Variants in ENOX2 observed in about 807,000 individuals in gnomAD.
ENOX2 encodes the protein ecto-NOX disulfide-thiol exchanger 2.
A neutral mutation model predicts 45.0 loss-of-function variants in ENOX2; 36 were observed. The ratio of observed to expected loss-of-function variants is 0.80; its 90% CI spans 0.61 to 1.06. The LOEUF is 1.06. ENOX2 is among the 50% of genes least tolerant of loss of function. The pLI is 0.00. For missense variants in ENOX2, 423 were observed against 462.5 expected, an observed-to-expected ratio of 0.91 and a Z score of 0.78; for synonymous variants, 174 against 152.3, an observed-to-expected ratio of 1.14 and a Z score of -1.05.
chrX:130,643,355 TA>T (rs1293254838), intron 10 of ENOX2, among the ~76,000 whole-genome samples: 1 of 110,902 alleles, frequency 9.0e-6, no homozygotes, highest in Non-Finnish European at 1.9e-5. Context: ...AATAATCAGT[TA>T]AAAAATTATT....
intron 3 of ENOX2, among the ~76,000 whole-genome samples, chrX:130,757,519 G>A (rs777018049): frequency 9.0e-6 from 1 of 111,546 alleles, no homozygotes; most frequent in Non-Finnish European, 1.9e-5. Flanking sequence ...GTATGATGGG[G>A]AAGAGGTCAT....
intron 3 of ENOX2, among the ~76,000 whole-genome samples, chrX:130,732,698 TCACACACACACA>T (rs201498808): frequency 1.0e-4 from 10 of 99,952 alleles, no homozygotes; most frequent in East Asian, 9.4e-4. Context: ...ATAAATCCAT[TCACACACACACA>T]CACACACACA....
intron 3 of ENOX2, among the ~76,000 whole-genome samples, chrX:130,742,881 C>A (rs2039017888): frequency 8.9e-6 from 1 of 112,077 alleles, no homozygotes; most frequent in Non-Finnish European, 1.9e-5. Context: ...GAAAACAAGA[C>A]AGAACTGAGC....
intron 2 of ENOX2, among the ~76,000 whole-genome samples, chrX:130,883,883 G>C (rs1293134149): frequency 4.5e-5 from 5 of 112,124 alleles, no homozygotes; most frequent in Admixed American, 1.9e-4. Context: ...CTATTTTGTA[G>C]ATGAAAGACT....
At position 130,735,603 on chromosome X, in the gene ENOX2, T is replaced by C. The variant is rs557783817; in HGVS notation, c.-38-32349A>G. On this transcript the variant is annotated intron_variant, in intron 3 of 14. Transcript: ENST00000394363. ...TTTTTTCTGACATAATAAAAGTAAC[T>C]GATTTCTAAAAAATTGGAAAAGAAT... Among the ~76,000 whole-genome samples the C allele has an allele frequency of 1.8e-4, 20 of 112,206 alleles. No homozygotes were observed. The South Asian group carries it at 7.5e-3, about 42-fold the overall frequency.
chrX:130,866,645 T>G (rs756472317), intron 2 of ENOX2, among the ~76,000 whole-genome samples: 2 of 111,847 alleles, frequency 1.8e-5, no homozygotes, highest in South Asian at 7.4e-4. Context: ...AAATCCTATG[T>G]ATGCTCAAGT....
At chrX:130,752,048 T>C (rs2039233985) in intron 3 of ENOX2, among the ~76,000 whole-genome samples, 3 of 111,837 alleles carry the variant, frequency 2.7e-5, no homozygotes, top group Admixed American at 1.9e-4. Flanking sequence ...ATAGATTGAA[T>C]CTATTACACT....
At chrX:130,686,036 G>A (rs1052116647) in intron 5 of ENOX2, among the ~76,000 whole-genome samples, 3 of 111,499 alleles carry the variant, frequency 2.7e-5, no homozygotes, top group African/African-American at 3.3e-5. Context: ...GAAGCAGACC[G>A]TATGAGTCCC....
rs1341831160 is a variant in ENOX2 at position 130,650,808 on chromosome X, A to T, written c.1129+5773T>A. 2.7e-5 allele frequency among the ~76,000 whole-genome samples: 3 copies of T among 111,970 alleles called. No individual in the cohort carries two copies. In the East Asian group the frequency reaches 8.4e-4, roughly 31 times the overall value. On this transcript the variant is annotated intron_variant, in intron 10 of 14. Coordinates refer to ENST00000394363, the MANE Select transcript of ENOX2 (RefSeq NM_006375.4). The stretch of plus-strand genomic sequence containing the variant: ...GTGAACTCCTCTTTTTAGCGGAGCC[A>T]CTAACAGCAAAATCCCAGACATGTT...
At position 130,634,832 on chromosome X, in the gene ENOX2, T is replaced by C. The variant is rs996672563; in HGVS notation, c.1419+152A>G. 7 of 418,371 alleles carry C rather than the reference T, an allele frequency of 1.7e-5. No homozygotes were observed. In the Admixed American group the frequency reaches 2.7e-4, roughly 16 times the overall value. The allele number at this position is 418,371 out of a possible 1,213,427, so 34.5% of individuals were successfully genotyped here. On this transcript the variant is annotated intron_variant, in intron 12 of 14. Coordinates refer to ENST00000394363, the MANE Select transcript of ENOX2 (RefSeq NM_006375.4). ...ACACCTAAAAGCAAAGCCCTTAGTA[T>C]AAGAATTACCCCCGAGAGGGGCTTT... is the stretch of plus-strand genomic sequence containing the variant.
chrX:130,726,570 G>T (rs994751730), intron 3 of ENOX2, among the ~76,000 whole-genome samples: 3 of 112,540 alleles, frequency 2.7e-5, no homozygotes, highest in Non-Finnish European at 5.6e-5. Context: ...TGAAGTACCT[G>T]AAGTTTTTCC....
chrX:130,690,649 C>T lies in ENOX2; in HGVS notation c.98-1631G>A, dbSNP rs775838495. The stretch of plus-strand genomic sequence containing the variant: ...CACCACACAGGCCAGAAGAGCAATG[C>T]CTGTACACATGTCCTTAAAGTGGCC... On this transcript the variant is annotated intron_variant, in intron 4 of 14. Transcript: ENST00000394363. 4.5e-5 allele frequency among the ~76,000 whole-genome samples: 5 copies of T among 111,835 alleles called. No homozygotes were observed. The South Asian group carries it at 1.9e-3, about 42-fold the overall frequency.
chrX:130,633,078 T>C (rs1038013279), intron 12 of ENOX2, among the ~76,000 whole-genome samples: 4 of 111,980 alleles, frequency 3.6e-5, no homozygotes, highest in Non-Finnish European at 7.5e-5. Context: ...TAGCTGGCAT[T>C]TAAAAAATTA....
chrX:130,673,596 C>T (rs1202052068), intron 6 of ENOX2, among the ~76,000 whole-genome samples: 1 of 110,465 alleles, frequency 9.1e-6, no homozygotes, highest in Non-Finnish European at 1.9e-5. Context: ...AGCTTGAACA[C>T]TGGTCTTTTG....
chrX:130,630,964 A>AAAACAAACAAAC (rs76578446), intron 13 of ENOX2, among the ~76,000 whole-genome samples: 1,798 of 99,892 alleles, frequency 0.018, 29 homozygotes, highest in African/African-American at 0.054. Flanking sequence ...TCTGGAGGTT[A>AAAACAAACAAAC]AAACAAACAA....
At chrX:130,651,186 G>A in intron 10 of ENOX2, among the ~76,000 whole-genome samples, 1 of 111,982 alleles carries the variant, frequency 8.9e-6, no homozygotes, top group East Asian at 2.8e-4. Flanking sequence ...TGGGTTTCCT[G>A]ACCTCACAAT....
intron 3 of ENOX2, among the ~76,000 whole-genome samples, chrX:130,736,600 GACA>G (rs2038867450): frequency 8.9e-6 from 1 of 111,861 alleles, no homozygotes. Context: ...CAGACAATAT[GACA>G]ATTGGTGTAG....
chrX:130,761,833 C>A (rs1321105202), intron 3 of ENOX2, among the ~76,000 whole-genome samples: 1 of 111,440 alleles, frequency 9.0e-6, no homozygotes, highest in Non-Finnish European at 1.9e-5. Context: ...CCAGGCCCCA[C>A]CTCCAACACT....
intron 2 of ENOX2, among the ~76,000 whole-genome samples, chrX:130,788,534 G>A (rs181271272): frequency 9.0e-5 from 10 of 111,367 alleles, no homozygotes; most frequent in African/African-American, 2.6e-4. Flanking sequence ...TCTATTTTGG[G>A]AGTTCCTTTT....
Sources: allele counts gnomAD v4.1 joint callset (sites outside exome capture counted in the v4.1 genomes callset), GRCh38; gene constraint gnomAD v4.1.1; transcripts MANE v1.5; gene names NCBI Gene and HGNC (gene_info 2026-07-23, HGNC 2026-07-21).